The following CFAP77 variants were observed in gnomAD, a reference collection of about 807,000 sequenced individuals.
The protein encoded by CFAP77 is cilia and flagella associated protein 77.
CFAP77 carries 25 observed loss-of-function variants against 31.1 expected under a neutral mutation model. The ratio of observed to expected loss-of-function variants is 0.80; its 90% CI spans 0.59 to 1.12. The LOEUF (loss-of-function observed/expected upper bound fraction) is 1.12, where lower values mean the gene tolerates loss of function less well. Ranked by LOEUF, CFAP77 falls within the 50% of genes most tolerant of loss-of-function variation. The pLI, the probability that CFAP77 is intolerant of heterozygous loss-of-function variation, is 0.00. For synonymous variants in CFAP77, 151 were observed against 159.9 expected, an observed-to-expected ratio of 0.94 and a Z score of 0.42; for missense variants, 377 against 397.3, an observed-to-expected ratio of 0.95 and a Z score of 0.44.
intron 3 of CFAP77, among the ~76,000 whole-genome samples, chr9:132,536,744 G>A (rs144326993): frequency 7.9e-5 from 12 of 152,238 alleles, no homozygotes; most frequent in African/African-American, 2.2e-4. Context: ...TGGATATTCC[G>A]TCTCTCAACC....
intron 1 of CFAP77, among the ~76,000 whole-genome samples, chr9:132,457,888 C>T (rs1796833438): frequency 2.0e-5 from 3 of 152,330 alleles, no homozygotes; most frequent in Non-Finnish European, 1.5e-5. Flanking sequence ...TAAAACACCC[C>T]TTTCCCTCCC....
chr9:132,477,896 G>T (rs1327583712), intron 1 of CFAP77, among the ~76,000 whole-genome samples: 1 of 152,184 alleles, frequency 6.6e-6, no homozygotes, highest in South Asian at 2.1e-4. Flanking sequence ...TGGGGGCAGC[G>T]GGGCCCTGCC....
At chr9:132,489,894 T>G (rs1851624678) in intron 1 of CFAP77, among the ~76,000 whole-genome samples, 2 of 152,006 alleles carry the variant, frequency 1.3e-5, no homozygotes, top group South Asian at 4.2e-4. Flanking sequence ...GATGTCAGAG[T>G]GAGGTTACCA....
chr9:132,448,833 C>T (rs1180034605), intron 1 of CFAP77, among the ~76,000 whole-genome samples: 2 of 152,154 alleles, frequency 1.3e-5, no homozygotes, highest in East Asian at 3.9e-4. Context: ...GTGATCCACC[C>T]ACCTCGGCCT....
intron 3 of CFAP77, among the ~76,000 whole-genome samples, chr9:132,500,001 A>G (rs1287563842): frequency 6.6e-6 from 1 of 152,038 alleles, no homozygotes; most frequent in Non-Finnish European, 1.5e-5. Flanking sequence ...AAAATTTTAA[A>G]AATTAGCTGG....
intron 1 of CFAP77, among the ~76,000 whole-genome samples, chr9:132,479,136 A>G (rs971852423): frequency 1.3e-5 from 2 of 152,240 alleles, no homozygotes; most frequent in Non-Finnish European, 2.9e-5. Context: ...CAAGACTAAA[A>G]GCTAAGTACA....
chr9:132,476,613 T>C (rs1431979224), intron 1 of CFAP77, among the ~76,000 whole-genome samples: 1 of 152,106 alleles, frequency 6.6e-6, no homozygotes, highest in Non-Finnish European at 1.5e-5. Context: ...GATGATACCA[T>C]ACTGGATGTA....
At chr9:132,472,021 A>T (rs1452711272) in intron 1 of CFAP77, among the ~76,000 whole-genome samples, 1 of 152,150 alleles carries the variant, frequency 6.6e-6, no homozygotes, top group Non-Finnish European at 1.5e-5. Flanking sequence ...TTCACTGGGC[A>T]TTTTTATTTG....
At position 132,410,249 on chromosome 9, in the gene CFAP77, C is replaced by A; in HGVS notation, c.-23C>A. On this transcript the variant is annotated 5_prime_UTR_variant, in exon 1 of 6. Coordinates refer to ENST00000393216, the MANE Select transcript of CFAP77 (RefSeq NM_001282957.2). ...AAGCGCGCCCAAACCAGCCCGCGGG[C>A]CGGCTCCCCGGCGACCTCAAGGATG... 6.5e-7 allele frequency: 1 copy of A among 1,538,354 alleles called. No individual in the cohort carries two copies. The highest frequency in any genetic ancestry group is 8.7e-7 in the Non-Finnish European group (1 of 1,145,052).
Position 132,572,751 on chromosome 9 carries a change from TCTC to T in CFAP77, c.*247_*249del. 1 of 521,770 alleles carries T rather than the reference TCTC, an allele frequency of 1.9e-6. No individual in the cohort carries two copies. The highest frequency in any genetic ancestry group is 3.4e-6 in the Non-Finnish European group (1 of 296,944). The allele number at this position is 521,770 out of a possible 1,614,324, so 32.3% of individuals were successfully genotyped here. On this transcript the variant is annotated 3_prime_UTR_variant, in exon 6 of 6. Transcript: ENST00000393216. ...TGGAGCCTCCTCCTCTCCTCCTCCT[TCTC>T]CTCCTAGGGCAGGCTCACCCTGCCT...
Position 132,499,539 on chromosome 9 carries a change from C to G in CFAP77, c.463C>G (p.Arg155Gly). ...NDIRISDQDD[R>G]RMKKEPPPLP... ...CATCCGCATCAGTGACCAGGATGAC[C>G]GGCGCATGAAGAAAGAGCCGCCCCC... The change falls in exon 3 of 6, where the codon CGG (arginine) becomes GGG (glycine). Residue 155 changes from arginine (R) to glycine (G), a missense_variant. Physicochemically the swap from Arg to Gly is moderately radical, Grantham distance 125. Transcript: ENST00000393216. This position sits in a 1 kb window ranked among gnomAD's most constrained non-coding sequence, Gnocchi z 5.4. The G allele has an allele frequency of 6.2e-7, 1 of 1,614,164 alleles. No individual in the cohort carries two copies. The highest frequency in any genetic ancestry group is 8.5e-7 in the Non-Finnish European group (1 of 1,180,040).
intron 1 of CFAP77, among the ~76,000 whole-genome samples, chr9:132,416,109 G>C (rs970721634): frequency 6.6e-6 from 1 of 151,956 alleles, no homozygotes; most frequent in African/African-American, 2.4e-5. Flanking sequence ...CGAATCCCTT[G>C]GAGTAGGACA....
At chr9:132,500,343 T>C (rs1851821108) in intron 3 of CFAP77, among the ~76,000 whole-genome samples, 1 of 152,096 alleles carries the variant, frequency 6.6e-6, no homozygotes, top group South Asian at 2.1e-4. Flanking sequence ...AGAATGGAGA[T>C]AACAGTAGCA....
chr9:132,558,568 G>A (rs1589925428), intron 5 of CFAP77, among the ~76,000 whole-genome samples: 1 of 152,208 alleles, frequency 6.6e-6, no homozygotes, highest in East Asian at 1.9e-4. Flanking sequence ...AGCCAGGCGT[G>A]GTGGCAGGCG....
chr9:132,492,058 C>T lies in CFAP77; in HGVS notation c.196-6637C>T, dbSNP rs558658817. On this transcript the variant is annotated intron_variant, in intron 1 of 5. Transcript: ENST00000393216. The stretch of plus-strand genomic sequence containing the variant: ...ATCTCAGCACTTTGGGAGGCCAAGG[C>T]GGGAGGATTGCTTGAGGCCAGGAGT... 4.6e-5 allele frequency among the ~76,000 whole-genome samples: 7 copies of T among 152,214 alleles called. No individual in the cohort carries two copies. In the South Asian group the frequency reaches 8.3e-4, roughly 18 times the overall value.
chr9:132,570,951 C>G (rs1047689586), intron 5 of CFAP77, among the ~76,000 whole-genome samples: 4 of 152,132 alleles, frequency 2.6e-5, no homozygotes, highest in African/African-American at 9.7e-5. Flanking sequence ...ATGATAAACA[C>G]AGTCCGAGGG....
Position 132,543,470 on chromosome 9 carries a change from C to T in CFAP77, c.732+423C>T, listed in dbSNP as rs188719282. ...CTGTCCACCTGGGGAGAGGGCTGTC[C>T]GTCCGCCTTGAGGAAGGAGGCTGTC... is the stretch of plus-strand genomic sequence containing the variant. On this transcript the variant is annotated intron_variant, in intron 5 of 5. Coordinates refer to ENST00000393216, the MANE Select transcript of CFAP77 (RefSeq NM_001282957.2). Among the ~76,000 whole-genome samples, 137 of 151,988 alleles carry T rather than the reference C, an allele frequency of 9.0e-4. 1 individual carries two copies. Among genetic ancestry groups the T allele is most frequent in the Admixed American group, 8.9e-3 (135 of 15,248 alleles).
At chr9:132,570,762 T>C (rs1429957015) in intron 5 of CFAP77, among the ~76,000 whole-genome samples, 1 of 152,176 alleles carries the variant, frequency 6.6e-6, no homozygotes, top group Non-Finnish European at 1.5e-5. Context: ...CCCTGCCTTC[T>C]TTCACCTCAG....
intron 5 of CFAP77, among the ~76,000 whole-genome samples, chr9:132,569,766 C>T (rs1042857924): frequency 2.7e-4 from 36 of 132,982 alleles, no homozygotes; most frequent in Non-Finnish European, 4.9e-4. Context: ...GACGGAATCT[C>T]GCTCTGTTGT....
Sources: gnomAD v4.1 joint callset for allele counts (sites outside exome capture counted in the v4.1 genomes callset) on GRCh38, gnomAD v4.1.1 for gene constraint, Gnocchi (gnomAD v3.1) non-coding constraint, MANE v1.5 for transcripts, NCBI Gene and HGNC (gene_info 2026-07-23, HGNC 2026-07-21) for gene names.